The following SPTBN2 variants were observed in gnomAD, a reference collection of about 807,000 sequenced individuals.
The protein encoded by SPTBN2 is spectrin beta, non-erythrocytic 2.
Under a neutral mutation model 284.2 loss-of-function variants are expected in SPTBN2, and 107 were observed. The observed-to-expected ratio is 0.38, with a 90% confidence interval of 0.32 to 0.44. The LOEUF (loss-of-function observed/expected upper bound fraction) is 0.44. Among genes scored for constraint, SPTBN2 ranks in the 20% least tolerant of loss-of-function variants. The probability of loss-of-function intolerance (pLI) is 1.00; values close to 1 mark genes in which losing one functional copy is unlikely to be tolerated. For missense variants in SPTBN2, 2,569 were observed against 3,287.1 expected (o/e 0.78, Z 5.34); for synonymous variants, 1,289 against 1,354.8 (o/e 0.95, Z 1.07).
chr11:66,723,809 C>T (rs953115884), intron 1 of SPTBN2, among the ~76,000 whole-genome samples: 3 of 152,266 alleles, frequency 2.0e-5, no homozygotes, highest in African/African-American at 7.2e-5. Context: ...GTGGGCAAGG[C>T]ATGACCTGAA....
chr11:66,727,357 G>A lies in SPTBN2; in HGVS notation c.-114+1384C>T, dbSNP rs541029288. Among the ~76,000 whole-genome samples the A allele has an allele frequency of 2.0e-5, 3 of 152,332 alleles. No individual in the cohort carries two copies. In the South Asian group the frequency reaches 6.2e-4, roughly 32 times the overall value. Reference sequence around the variant, plus strand: ...AACTGTGGCTGCTCCGAGAGGGGGAGGGCAGACGACATGTAGCAGGTTAAG... The same window carrying A: ...AACTGTGGCTGCTCCGAGAGGGGGAAGGCAGACGACATGTAGCAGGTTAAG... On this transcript the variant is annotated intron_variant, in intron 1 of 37. Coordinates refer to ENST00000533211, the MANE Select transcript of SPTBN2 (RefSeq NM_006946.4).
chr11:66,712,043 C>T (rs535237626), intron 8 of SPTBN2, among the ~76,000 whole-genome samples: 4 of 152,222 alleles, frequency 2.6e-5, no homozygotes, highest in Admixed American at 2.6e-4. Context: ...GATTGGTCTC[C>T]ACTTTCCCAG....
upstream of SPTBN2, among the ~76,000 whole-genome samples, chr11:66,731,484 T>G (rs1279747466): frequency 6.6e-6 from 1 of 152,238 alleles, no homozygotes; most frequent in Non-Finnish European, 1.5e-5. Context: ...CATACATACA[T>G]AGCCGAATTC....
chr11:66,736,903 C>T (rs1942854309), intron 1 of SPTBN2, among the ~76,000 whole-genome samples: 1 of 152,198 alleles, frequency 6.6e-6, no homozygotes. Flanking sequence ...TCTGAAACTT[C>T]CAGGGTGTGA....
At chr11:66,699,641 C>T (rs1273423594) in intron 17 of SPTBN2, 33 bp from the exon 18 acceptor site, 4 of 1,611,128 alleles carry the variant, frequency 2.5e-6, no homozygotes, top group Non-Finnish European at 3.4e-6. Flanking sequence ...AGCTCATTTT[C>T]CCCAGCACAA....
At chr11:66,709,060 C>T (rs749047053) in intron 10 of SPTBN2, 41 bp from the exon 11 acceptor site, 12 of 1,543,666 alleles carry the variant, frequency 7.8e-6, no homozygotes, top group Admixed American at 1.7e-5. Flanking sequence ...TTAAAGCCCA[C>T]GAGGGTCACA....
chr11:66,725,299 G>A (rs1344304359), intron 1 of SPTBN2, among the ~76,000 whole-genome samples: 1 of 152,186 alleles, frequency 6.6e-6, no homozygotes, highest in Non-Finnish European at 1.5e-5. Flanking sequence ...CTACCTTTGT[G>A]TCTCTAGGTC....
chr11:66,744,572 TCCCCG>T, exon 1 of SPTBN2: 1 of 210,114 alleles, frequency 4.8e-6, no homozygotes, highest in Non-Finnish European at 9.3e-6. Context: ...CGCGGGCTCT[TCCCCG>T]CCCCGAACCT....
intron 14 of SPTBN2, 85 bp from the exon 15 acceptor site, chr11:66,705,553 C>A: frequency 6.2e-7 from 1 of 1,605,540 alleles, no homozygotes; most frequent in South Asian, 1.1e-5. Context: ...ACTTCCCTCC[C>A]TGGCTTTAGC....
Position 66,684,829 on chromosome 11 carries a change from C to T in SPTBN2, c.*1042G>A, listed in dbSNP as rs1940007646. Among the ~76,000 whole-genome samples the T allele has an allele frequency of 6.6e-6, 1 of 152,120 alleles. No homozygotes were observed. The highest frequency in any genetic ancestry group is 1.5e-5 in the Non-Finnish European group (1 of 68,012). ...AGACGGCAAGTGGGGGCAGTAAGCA[C>T]CCGCTGTGTGCTCAGCTTTCCACCA... On this transcript the variant is annotated 3_prime_UTR_variant, in exon 38 of 38. Coordinates refer to ENST00000533211, the MANE Select transcript of SPTBN2 (RefSeq NM_006946.4).
rs775029989 is a variant in SPTBN2, at chr11:66,687,632, C to A, written c.6517G>T (p.Asp2173Tyr). ...TCTCCCCGGGGCCCATTGGCTTCGT[C>A]CCCTGAGCCAGGTCCCTGGGGGGGA... ...FPEGPGPGSGDEANGPRGERQ... is the reference protein window; with the variant it reads ...FPEGPGPGSGYEANGPRGERQ... The change falls in exon 35 of 38, where the codon GAC becomes TAC. Residue 2173 changes from aspartate (D) to tyrosine (Y), a missense_variant. By Grantham distance (160) the Asp-to-Tyr change is radical. Coordinates refer to ENST00000533211, the MANE Select transcript of SPTBN2 (RefSeq NM_006946.4). This position sits in a 1 kb window ranked among gnomAD's most constrained non-coding sequence, Gnocchi z 5.2. The A allele has an allele frequency of 6.3e-7, 1 of 1,598,332 alleles. No individual in the cohort carries two copies. The highest frequency in any genetic ancestry group is 8.5e-7 in the Non-Finnish European group (1 of 1,172,386).
Position 66,722,386 on chromosome 11 carries a change from T to C in SPTBN2, c.-113-946A>G, listed in dbSNP as rs1029414736. ...TCAGGAGATCGAGACCATCCCTGGCTAACACGGTGAAACCCCGTCTCTACT... is the reference window on the plus strand; with the variant it reads ...TCAGGAGATCGAGACCATCCCTGGCCAACACGGTGAAACCCCGTCTCTACT... On this transcript the variant is annotated intron_variant, in intron 1 of 37. Transcript: ENST00000533211. Among the ~76,000 whole-genome samples the C allele has an allele frequency of 1.9e-4, 28 of 151,082 alleles. No individual in the cohort carries two copies. The South Asian group carries it at 2.3e-3, about 12-fold the overall frequency.
At chr11:66,738,139 C>T (rs947582600) in intron 1 of SPTBN2, among the ~76,000 whole-genome samples, 2 of 152,070 alleles carry the variant, frequency 1.3e-5, no homozygotes, top group Non-Finnish European at 1.5e-5. Context: ...CACTTGAACC[C>T]GGGAGGCAGA....
rs372577035 is a variant in SPTBN2, at chr11:66,686,121, C to T, written c.6940-17G>A. 1 of 1,606,676 alleles carries T rather than the reference C, an allele frequency of 6.2e-7. No homozygotes were observed. ...CATCTCTGCCTGTGGATGGAAAGAC[C>T]CTCAATCAGCTTCAAGGACACTGTG... On this transcript the variant is annotated splice_polypyrimidine_tract_variant and intron_variant, in intron 37 of 37. Transcript: ENST00000533211.
chr11:66,724,503 G>A (rs554011403), intron 1 of SPTBN2, among the ~76,000 whole-genome samples: 5 of 152,018 alleles, frequency 3.3e-5, no homozygotes, highest in Non-Finnish European at 5.9e-5. Context: ...TACCTGCCTG[G>A]CCCCAACTGT....
In SPTBN2 at chr11:66,692,736, G is replaced by A. The variant is rs1394635759; in HGVS notation, c.4990C>T (p.Arg1664Trp). The A allele has an allele frequency of 7.5e-6, 12 of 1,601,454 alleles. No individual in the cohort carries two copies. The highest frequency in any genetic ancestry group is 2.2e-5 in the East Asian group (1 of 44,870). The change falls in exon 26 of 38, where the codon CGG becomes TGG. Residue 1664 changes from arginine to tryptophan, a missense_variant. Coordinates refer to ENST00000533211, the MANE Select transcript of SPTBN2 (RefSeq NM_006946.4). ...MIDHEHPEST[R>W]ISIRQAQVDK... Reference sequence around the variant, plus strand: ...ACCTGGGCTTGGCGGATGGATATCCGAGTGCTGCAAGAAGAGTGAGGGAGG... The same window carrying A: ...ACCTGGGCTTGGCGGATGGATATCCAAGTGCTGCAAGAAGAGTGAGGGAGG...
At chr11:66,739,164 C>T (rs1394396226) in intron 1 of SPTBN2, among the ~76,000 whole-genome samples, 1 of 151,646 alleles carries the variant, frequency 6.6e-6, no homozygotes, top group African/African-American at 2.4e-5. Context: ...TGGTCTCCAA[C>T]TCCTAGGCTC....
chr11:66,740,514 T>C (rs751506598), intron 1 of SPTBN2, among the ~76,000 whole-genome samples: 5 of 152,102 alleles, frequency 3.3e-5, no homozygotes, highest in African/African-American at 9.7e-5. Context: ...TGCCCCAGAT[T>C]CTGTGCTCCA....
At chr11:66,706,816 G>A (rs1023789157) in intron 13 of SPTBN2, among the ~76,000 whole-genome samples, 11 of 151,786 alleles carry the variant, frequency 7.2e-5, no homozygotes, top group African/African-American at 2.7e-4. Context: ...TATTTTTATA[G>A]ACACGGGGTT....
Sources: allele counts gnomAD v4.1 joint callset (sites outside exome capture counted in the v4.1 genomes callset), GRCh38; gene constraint gnomAD v4.1.1; non-coding constraint Gnocchi (gnomAD v3.1); transcripts MANE v1.5; gene names NCBI Gene and HGNC (gene_info 2026-07-23, HGNC 2026-07-21).